The following CCDC18 variants were observed in gnomAD, a reference collection of about 807,000 sequenced individuals.
The protein encoded by CCDC18 is coiled-coil domain containing 18.
Under a neutral mutation model 196.0 loss-of-function variants are expected in CCDC18, and 157 were observed. That is an observed-to-expected ratio of 0.80 (90% CI 0.70 to 0.91). The LOEUF (loss-of-function observed/expected upper bound fraction) is 0.91, where lower values mean the gene tolerates loss of function less well. CCDC18 is among the 40% of genes least tolerant of loss of function. The pLI is 0.00. For synonymous variants in CCDC18, 482 were observed against 529.2 expected (o/e 0.91, Z 1.22); for missense variants, 1,465 against 1,611.6 (o/e 0.91, Z 1.56).
rs140962716 is a variant in CCDC18 at position 93,189,703 on chromosome 1, C to T, written c.463-2297C>T. Among the ~76,000 whole-genome samples, 39 of 152,156 alleles carry T rather than the reference C, an allele frequency of 2.6e-4. No individual in the cohort carries two copies. In the East Asian group the frequency reaches 6.0e-3, roughly 23 times the overall value. ...TTTGAGACAAGGTCTTGCTCTGCTG[C>T]CCAGGCTGAAGTGCAATGGTGCAAT... On this transcript the variant is annotated intron_variant, in intron 4 of 28. Coordinates refer to ENST00000690025, the MANE Select transcript of CCDC18 (RefSeq NM_001378204.1).
intron 12 of CCDC18, among the ~76,000 whole-genome samples, chr1:93,215,442 T>C (rs1656322870): frequency 6.6e-6 from 1 of 150,442 alleles, no homozygotes; most frequent in African/African-American, 2.5e-5. Flanking sequence ...GTCTGCTTTT[T>C]TCTTTTCTTT....
intron 28 of CCDC18, among the ~76,000 whole-genome samples, chr1:93,274,295 C>T (rs1321346744): frequency 1.3e-5 from 2 of 151,452 alleles, no homozygotes; most frequent in Non-Finnish European, 2.9e-5. Context: ...CCCAGCTGCT[C>T]AGGAGGCTGA....
intron 25 of CCDC18, 76 bp from the exon 26 acceptor site, chr1:93,258,672 A>G: frequency 8.6e-7 from 1 of 1,168,440 alleles, no homozygotes; most frequent in Non-Finnish European, 1.2e-6. Flanking sequence ...TACTTCCAAT[A>G]ATGCACTGGA....
chr1:93,198,312 A>G (rs1021540103), intron 6 of CCDC18, among the ~76,000 whole-genome samples: 1 of 152,246 alleles, frequency 6.6e-6, no homozygotes, highest in Non-Finnish European at 1.5e-5. Flanking sequence ...AACTACAACT[A>G]TGTAACAACA....
chr1:93,240,030 C>A, intron 21 of CCDC18, 134 bp downstream of exon 21: 1 of 645,482 alleles, frequency 1.5e-6, no homozygotes, highest in Non-Finnish European at 2.7e-6. Context: ...GCCAGCCTAT[C>A]CCATGCCTTA....
At chr1:93,191,078 C>A in intron 4 of CCDC18, 1 of 633,092 alleles carries the variant, frequency 1.6e-6, no homozygotes. Context: ...GGAGTGCTAT[C>A]AGCAAGGAGA....
intron 10 of CCDC18, 125 bp downstream of exon 10, chr1:93,211,051 C>G (rs917711942): frequency 2.2e-6 from 2 of 917,818 alleles, no homozygotes; most frequent in Non-Finnish European, 3.3e-6. Context: ...CTGAGGCAGG[C>G]GGATCACGAG....
At chr1:93,198,224 ATTGT>A (rs1385494371) in intron 6 of CCDC18, among the ~76,000 whole-genome samples, 1 of 152,232 alleles carries the variant, frequency 6.6e-6, no homozygotes, top group Non-Finnish European at 1.5e-5. Flanking sequence ...AATTTTATTC[ATTGT>A]TAAATGTTCA....
intron 4 of CCDC18, among the ~76,000 whole-genome samples, chr1:93,189,794 C>G (rs1212773869): frequency 6.6e-6 from 1 of 152,072 alleles, no homozygotes; most frequent in African/African-American, 2.4e-5. Flanking sequence ...TCCCAAGTAG[C>G]TGGGACTACA....
At chr1:93,225,548 G>A (rs969006800) in intron 16 of CCDC18, among the ~76,000 whole-genome samples, 3 of 152,084 alleles carry the variant, frequency 2.0e-5, no homozygotes, top group Admixed American at 6.5e-5. Flanking sequence ...AGGCCAAGGC[G>A]GGTGGATCAC....
chr1:93,219,850 T>A (rs1212505313), intron 14 of CCDC18, among the ~76,000 whole-genome samples: 1 of 152,166 alleles, frequency 6.6e-6, no homozygotes, highest in Non-Finnish European at 1.5e-5. Context: ...TTATTCAGTC[T>A]GAGCAACAGA....
At chr1:93,190,690 A>C in intron 4 of CCDC18, 1 of 358,028 alleles carries the variant, frequency 2.8e-6, no homozygotes. Flanking sequence ...TTTTTTTTTT[A>C]ACATAAACTC....
chr1:93,187,566 T>C (rs1650938870), intron 4 of CCDC18, among the ~76,000 whole-genome samples: 1 of 152,142 alleles, frequency 6.6e-6, no homozygotes, highest in African/African-American at 2.4e-5. Context: ...TTTACTTTTA[T>C]AAACATTGTA....
chr1:93,221,641 AT>A lies in CCDC18; in HGVS notation c.1998del (p.Phe666LeufsTer15), dbSNP rs767406346. ...EAQLEKKDQQ[F>X]KEQEKTMSML... ...CTCAACTAGAGAAAAAGGACCAACA[AT>A]TTAAAGAACAAGAAAAGACTATGTC... On this transcript the variant is annotated frameshift_variant, in exon 15 of 29. Coordinates refer to ENST00000690025, the MANE Select transcript of CCDC18 (RefSeq NM_001378204.1). LOFTEE classifies it high-confidence loss of function. The A allele has an allele frequency of 6.4e-7, 1 of 1,557,296 alleles. No homozygotes were observed. Among genetic ancestry groups the A allele is most frequent in the Middle Eastern group, 1.7e-4 (1 of 5,888 alleles).
intron 23 of CCDC18, among the ~76,000 whole-genome samples, chr1:93,247,842 T>C (rs954280715): frequency 1.3e-5 from 2 of 152,074 alleles, no homozygotes; most frequent in Non-Finnish European, 2.9e-5. Flanking sequence ...CTTTCTCTTG[T>C]CTAGTTGCTC....
At chr1:93,243,784 C>A (rs1235738956) in intron 21 of CCDC18, among the ~76,000 whole-genome samples, 2 of 152,196 alleles carry the variant, frequency 1.3e-5, no homozygotes, top group African/African-American at 4.8e-5. Flanking sequence ...CAGTTCCCAA[C>A]AAGTTCCTCA....
At chr1:93,278,169 G>A (rs1665735354) in intron 28 of CCDC18, among the ~76,000 whole-genome samples, 1 of 151,928 alleles carries the variant, frequency 6.6e-6, no homozygotes, top group South Asian at 2.1e-4. Flanking sequence ...GTATGTTTTA[G>A]TAGAGACAGG....
At chr1:93,235,609 A>G (rs1460393382) in intron 18 of CCDC18, among the ~76,000 whole-genome samples, 1 of 152,202 alleles carries the variant, frequency 6.6e-6, no homozygotes, top group East Asian at 1.9e-4. Flanking sequence ...AGGGAGGTCA[A>G]GGTCTGAAGA....
rs1007915358 is a variant in CCDC18 at position 93,186,391 on chromosome 1, G to T, written c.350G>T (p.Arg117Leu). ...GTGGATCAGGAGATTAAAAGCCTTCGAGAGAAACTAAATAAACTTAGGCAA... is the reference window on the plus strand; with the variant it reads ...GTGGATCAGGAGATTAAAAGCCTTCTAGAGAAACTAAATAAACTTAGGCAA... ...APVDQEIKSL[R>L]EKLNKLRQQN... Residue 117 changes from arginine (R) to leucine (L), a missense_variant, in exon 4 of 29, where the codon CGA (arginine) becomes CTA (leucine). By Grantham distance (102) the Arg-to-Leu change is moderately radical. Coordinates refer to ENST00000690025, the MANE Select transcript of CCDC18 (RefSeq NM_001378204.1). The T allele has an allele frequency of 3.1e-6, 5 of 1,611,730 alleles. No individual in the cohort carries two copies. In the African/African-American group the frequency reaches 4.0e-5, roughly 13 times the overall value.
Sources: gnomAD v4.1 joint callset for allele counts (sites outside exome capture counted in the v4.1 genomes callset) on GRCh38, gnomAD v4.1.1 for gene constraint, MANE v1.5 for transcripts, NCBI Gene and HGNC (gene_info 2026-07-23, HGNC 2026-07-21) for gene names.